CENPQ: variants seen among roughly 807,000 people sequenced by gnomAD.
CENPQ encodes the protein chromosome 6 open reading frame 139.
Under a neutral mutation model 36.6 loss-of-function variants are expected in CENPQ, and 27 were observed. That is an observed-to-expected ratio of 0.74 (90% CI 0.54 to 1.02). CENPQ has a LOEUF of 1.02. Among genes scored for constraint, CENPQ ranks in the 50% least tolerant of loss-of-function variants. The pLI is 0.00. For synonymous variants in CENPQ, 101 were observed against 101.7 expected (o/e 0.99, Z 0.04); for missense variants, 306 against 301.8 (o/e 1.01, Z -0.10).
chr6:49,477,262 C>A (rs1416450718), intron 5 of CENPQ, among the ~76,000 whole-genome samples: 1 of 152,022 alleles, frequency 6.6e-6, no homozygotes, highest in Non-Finnish European at 1.5e-5. Context: ...GAGTTCATGT[C>A]CTTTGTAGGG....
intron 5 of CENPQ, among the ~76,000 whole-genome samples, chr6:49,475,375 C>A (rs187206088): frequency 1.3e-5 from 2 of 152,102 alleles, no homozygotes; most frequent in South Asian, 4.1e-4. Context: ...ATTCAACAAC[C>A]CTTCATGCTA....
chr6:49,466,385 C>T (rs527872405), intron 1 of CENPQ, among the ~76,000 whole-genome samples: 46 of 152,236 alleles, frequency 3.0e-4, no homozygotes, highest in Middle Eastern at 3.4e-3. Flanking sequence ...GCAGGCTTGC[C>T]ACAAACCTTT....
At chr6:49,472,682 C>T (rs1194363862) in intron 4 of CENPQ, 108 bp from the exon 5 acceptor site, 26 of 795,380 alleles carry the variant, frequency 3.3e-5, no homozygotes, top group African/African-American at 5.4e-5. Flanking sequence ...ATTGATTTTG[C>T]CTGGCTAGTG....
chr6:49,464,203 C>T (rs554259522), intron 1 of CENPQ, among the ~76,000 whole-genome samples: 30 of 152,044 alleles, frequency 2.0e-4, no homozygotes, highest in African/African-American at 7.0e-4. Flanking sequence ...TTTGGTTTCC[C>T]AGTGCATATA....
intron 5 of CENPQ, among the ~76,000 whole-genome samples, chr6:49,480,046 AG>A (rs1193777910): frequency 1.3e-5 from 2 of 152,184 alleles, no homozygotes; most frequent in Non-Finnish European, 2.9e-5. Context: ...TGTACACCAA[AG>A]CCCCACAACA....
intron 5 of CENPQ, among the ~76,000 whole-genome samples, chr6:49,480,300 G>A (rs1354476230): frequency 2.0e-5 from 3 of 152,110 alleles, no homozygotes. Context: ...TTTGCAGTCT[G>A]CCAGATGTGA....
chr6:49,478,636 T>C (rs964558739), intron 5 of CENPQ, among the ~76,000 whole-genome samples: 3 of 152,156 alleles, frequency 2.0e-5, no homozygotes, highest in African/African-American at 7.2e-5. Context: ...GTTAGAAAAT[T>C]CTAGGAGATG....
At chr6:49,486,736 T>G (rs572216758) in intron 6 of CENPQ, among the ~76,000 whole-genome samples, 2 of 152,320 alleles carry the variant, frequency 1.3e-5, no homozygotes, top group East Asian at 3.9e-4. Flanking sequence ...TACTCTTATG[T>G]ATCTTTAAAT....
At chr6:49,483,089 C>T (rs887020968) in intron 6 of CENPQ, among the ~76,000 whole-genome samples, 3 of 152,086 alleles carry the variant, frequency 2.0e-5, no homozygotes, top group Admixed American at 6.5e-5. Context: ...ATTGGTAGAG[C>T]CGAGTGGTCT....
chr6:49,481,424 T>G (rs1350135573), intron 6 of CENPQ, among the ~76,000 whole-genome samples: 2 of 152,032 alleles, frequency 1.3e-5, no homozygotes, highest in Non-Finnish European at 2.9e-5. Flanking sequence ...TCCCGGTGGG[T>G]TTCTGGTCTC....
intron 6 of CENPQ, among the ~76,000 whole-genome samples, chr6:49,483,772 A>G (rs895815815): frequency 9.2e-5 from 14 of 152,218 alleles, no homozygotes; most frequent in African/African-American, 3.4e-4. Context: ...CACCGGGCGC[A>G]GCCCCGGTTC....
At chr6:49,470,767 TATC>T (rs1182053938) in intron 2 of CENPQ, among the ~76,000 whole-genome samples, 3 of 152,234 alleles carry the variant, frequency 2.0e-5, no homozygotes, top group Non-Finnish European at 4.4e-5. Flanking sequence ...ATTCTGTTAT[TATC>T]ATCATTGTCA....
chr6:49,482,410 C>G (rs1239204007), intron 6 of CENPQ, among the ~76,000 whole-genome samples: 1 of 152,156 alleles, frequency 6.6e-6, no homozygotes, highest in Non-Finnish European at 1.5e-5. Context: ...ACAGGACATC[C>G]CAACTGCTGT....
intron 5 of CENPQ, among the ~76,000 whole-genome samples, chr6:49,478,236 AAC>A (rs1282803536): frequency 6.6e-6 from 1 of 152,200 alleles, no homozygotes; most frequent in Non-Finnish European, 1.5e-5. Flanking sequence ...GTATATTTGA[AAC>A]ACTTGTTCTT....
intron 1 of CENPQ, among the ~76,000 whole-genome samples, chr6:49,467,161 T>G (rs1027510476): frequency 6.6e-6 from 1 of 152,272 alleles, no homozygotes. Flanking sequence ...TATAGTCTAG[T>G]GCCTCAAGTA....
rs1307852241 is a variant in CENPQ at position 49,463,445 on chromosome 6, G to C, written c.-27G>C. The C allele has an allele frequency of 1.3e-5, 2 of 152,284 alleles. No individual in the cohort carries two copies. The highest frequency in any genetic ancestry group is 2.9e-5 in the Non-Finnish European group (2 of 68,098). The allele number at this position is 152,284 out of a possible 1,614,324, so 9.4% of individuals were successfully genotyped here. ...CGCGGCTCTCAGAAGGGTGCAAGAAGAATCAGTGGTGAGTCGTGATATCCT... is the reference window on the plus strand; with the variant it reads ...CGCGGCTCTCAGAAGGGTGCAAGAACAATCAGTGGTGAGTCGTGATATCCT... On this transcript the variant is annotated 5_prime_UTR_variant, in exon 1 of 9. Transcript: ENST00000335783.
At chr6:49,473,691 G>T (rs1768200897) in intron 5 of CENPQ, among the ~76,000 whole-genome samples, 1 of 152,140 alleles carries the variant, frequency 6.6e-6, no homozygotes, top group Admixed American at 6.5e-5. Context: ...AAATGTAAAT[G>T]GGCTAAATGC....
chr6:49,475,779 A>G (rs1768272832), intron 5 of CENPQ, among the ~76,000 whole-genome samples: 1 of 152,070 alleles, frequency 6.6e-6, no homozygotes, highest in African/African-American at 2.4e-5. Flanking sequence ...ATACACCAAT[A>G]ACAGACAAAC....
chr6:49,490,529 AC>A (rs1340697359), intron 8 of CENPQ, among the ~76,000 whole-genome samples: 3 of 152,178 alleles, frequency 2.0e-5, no homozygotes, highest in Non-Finnish European at 2.9e-5. Context: ...TCATGTATTC[AC>A]TGAAGTAGCA....
Sources: allele counts gnomAD v4.1 joint callset (sites outside exome capture counted in the v4.1 genomes callset), GRCh38; gene constraint gnomAD v4.1.1; transcripts MANE v1.5; gene names NCBI Gene and HGNC (gene_info 2026-07-23, HGNC 2026-07-21).